Variants in C10orf143 observed in about 807,000 individuals in gnomAD.
C10orf143 encodes uncharacterized protein C10orf143.
intron 3 of C10orf143, among the ~76,000 whole-genome samples, chr10:130,075,154 G>A (rs992558028): frequency 3.9e-5 from 6 of 152,092 alleles, no homozygotes; most frequent in South Asian, 2.1e-4. Context: ...CGTGGGGAGC[G>A]GAGACTCCAT....
intron 3 of C10orf143, among the ~76,000 whole-genome samples, chr10:130,069,247 G>A (rs1860991054): frequency 6.6e-6 from 1 of 152,142 alleles, no homozygotes; most frequent in African/African-American, 2.4e-5. Flanking sequence ...CATACTCCAA[G>A]TGCCAGAAGA....
At chr10:130,042,027 A>ACATAC (rs1471570612) in intron 3 of C10orf143, among the ~76,000 whole-genome samples, 2 of 152,144 alleles carry the variant, frequency 1.3e-5, no homozygotes, top group Admixed American at 1.3e-4. Context: ...ACACGTTCAT[A>ACATAC]CATACCCAAA....
chr10:130,073,268 TG>T (rs746368230), intron 3 of C10orf143, among the ~76,000 whole-genome samples: 3 of 152,188 alleles, frequency 2.0e-5, no homozygotes, highest in Non-Finnish European at 4.4e-5. Context: ...GGGCTGCAAC[TG>T]TTTTTATGGC....
chr10:130,036,541 T>G (rs1223988980), intron 3 of C10orf143, among the ~76,000 whole-genome samples: 3 of 152,112 alleles, frequency 2.0e-5, no homozygotes, highest in Non-Finnish European at 2.9e-5. Context: ...CTGGGCCATT[T>G]CTCCAAGCTC....
rs1488390801 is a variant in C10orf143, at chr10:130,056,513, C to A, written c.298-20543G>T. On this transcript the variant is annotated intron_variant and NMD_transcript_variant, in intron 3 of 5. Transcript: ENST00000643056. This position sits in a 1 kb window ranked among gnomAD's most constrained non-coding sequence, Gnocchi z 4.6. ...GAGAAATGAGGAAAAGAAACAATGT[C>A]ATTTTACAGAGAAAGGGAAGGGTTG... Among the ~76,000 whole-genome samples, 1 of 152,090 alleles carries A rather than the reference C, an allele frequency of 6.6e-6. No individual in the cohort carries two copies. The highest frequency in any genetic ancestry group is 2.4e-5 in the African/African-American group (1 of 41,402).
rs901996180 is a variant in C10orf143 at position 130,053,322 on chromosome 10, T to C, written c.298-17352A>G. On this transcript the variant is annotated intron_variant and NMD_transcript_variant, in intron 3 of 5. Transcript: ENST00000643056. ...ACATGACCTCGTGATCCGCCTGCCTTGGTCTCCCAAAGTGCTGGGATTACA... is the reference window on the plus strand; with the variant it reads ...ACATGACCTCGTGATCCGCCTGCCTCGGTCTCCCAAAGTGCTGGGATTACA... Among the ~76,000 whole-genome samples the C allele has an allele frequency of 3.9e-5, 6 of 152,322 alleles. No homozygotes were observed. The East Asian group carries it at 5.8e-4, about 15-fold the overall frequency.
At chr10:130,091,957 G>A (rs1008377259) in intron 1 of C10orf143, among the ~76,000 whole-genome samples, 1 of 152,216 alleles carries the variant, frequency 6.6e-6, no homozygotes, top group African/African-American at 2.4e-5. Flanking sequence ...ACCTGAAAGT[G>A]ACAGGGAGAA....
chr10:130,061,535 C>G (rs1860857606), downstream of C10orf143, among the ~76,000 whole-genome samples: 1 of 152,124 alleles, frequency 6.6e-6, no homozygotes, highest in Admixed American at 6.5e-5. Context: ...ACATTTTTAG[C>G]CCCTATATCC....
At chr10:130,049,558 G>T (rs1433265985) in intron 3 of C10orf143, among the ~76,000 whole-genome samples, 2 of 152,192 alleles carry the variant, frequency 1.3e-5, no homozygotes, top group African/African-American at 4.8e-5. Flanking sequence ...TTGGTCCTGG[G>T]CAGGGGCTTG....
intron 1 of C10orf143, chr10:130,108,042 A>G (rs1182943427): frequency 6.8e-7 from 1 of 1,479,582 alleles, no homozygotes; most frequent in Admixed American, 1.7e-5. Flanking sequence ...GACACCAAAG[A>G]TGATCTTGGT....
intron 3 of C10orf143, among the ~76,000 whole-genome samples, chr10:130,036,659 C>T (rs1195872292): frequency 6.6e-6 from 1 of 152,208 alleles, no homozygotes; most frequent in African/African-American, 2.4e-5. Context: ...GGGAAGCCCA[C>T]ATGGCTTGGA....
intron 1 of C10orf143, among the ~76,000 whole-genome samples, chr10:130,086,672 T>C (rs76055803): frequency 0.04 from 6,154 of 152,300 alleles, 337 homozygotes; most frequent in African/African-American, 0.11. Flanking sequence ...ATTCCCCACA[T>C]AATTTTACAA....
chr10:130,092,853 A>G (rs1361361736), intron 1 of C10orf143, among the ~76,000 whole-genome samples: 2 of 152,216 alleles, frequency 1.3e-5, no homozygotes, highest in African/African-American at 4.8e-5. Flanking sequence ...GGATGAATGC[A>G]ACAAGAAGAG....
At chr10:130,045,436 C>T (rs1397186621) in intron 3 of C10orf143, among the ~76,000 whole-genome samples, 2 of 152,250 alleles carry the variant, frequency 1.3e-5, no homozygotes, top group African/African-American at 4.8e-5. Flanking sequence ...ACAGCCCCAA[C>T]TCTGCTGCCC....
chr10:130,050,117 A>G (rs1860719537), intron 3 of C10orf143, among the ~76,000 whole-genome samples: 1 of 152,240 alleles, frequency 6.6e-6, no homozygotes, highest in South Asian at 2.1e-4. Flanking sequence ...AAAACAGAAA[A>G]CAGGTGGTGG....
At chr10:130,069,302 C>T (rs148590440) in intron 3 of C10orf143, among the ~76,000 whole-genome samples, 1 of 152,180 alleles carries the variant, frequency 6.6e-6, no homozygotes, top group East Asian at 1.9e-4. Context: ...CATGTGGCCA[C>T]ATATGCCTTT....
At chr10:130,055,087 C>T (rs1230723412) in intron 3 of C10orf143, among the ~76,000 whole-genome samples, 1 of 152,012 alleles carries the variant, frequency 6.6e-6, no homozygotes, top group African/African-American at 2.4e-5. Context: ...CAATGTAAGT[C>T]CTAAAACTAT....
In C10orf143 at chr10:130,065,129, A is replaced by C. The variant is rs984451235; in HGVS notation, c.298-746T>G. ...GGGTGGGGTAGGCTGGGCAGTGGGG[A>C]AACAAAGAAGTCCAGTTCTTGATGA... On this transcript the variant is annotated intron_variant, in intron 3 of 3. Coordinates refer to ENST00000637128, the MANE Select transcript of C10orf143 (RefSeq NM_001355042.2). The surrounding 1 kb of genome is among the most constrained non-coding windows in gnomAD (Gnocchi z 4.2). 6.6e-6 allele frequency: 1 copy of C among 152,478 alleles called. No individual in the cohort carries two copies. Among genetic ancestry groups the C allele is most frequent in the African/African-American group, 2.4e-5 (1 of 41,448 alleles). 9.4% of individuals were successfully genotyped at this position (152,478 alleles called of 1,614,324 possible). A position where few individuals can be genotyped will look rare whatever the true frequency, so the allele number is the denominator to read the frequency against.
intron 3 of C10orf143, among the ~76,000 whole-genome samples, chr10:130,054,245 G>A (rs945280238): frequency 6.6e-6 from 1 of 152,138 alleles, no homozygotes; most frequent in African/African-American, 2.4e-5. Context: ...AAAGTTTCCA[G>A]GTTCCACATA....
Sources: gnomAD v4.1 joint callset for allele counts (sites outside exome capture counted in the v4.1 genomes callset) on GRCh38, gnomAD v4.1.1 for gene constraint, Gnocchi (gnomAD v3.1) non-coding constraint, MANE v1.5 for transcripts, NCBI Gene and HGNC (gene_info 2026-07-23, HGNC 2026-07-21) for gene names.